Variants in TRIM16 observed in about 807,000 individuals in gnomAD.
TRIM16 encodes tripartite motif-containing protein 16.
TRIM16 carries 33 observed loss-of-function variants against 50.4 expected under a neutral mutation model. The observed-to-expected ratio is 0.65, with a 90% CI of 0.50 to 0.88. TRIM16 has a LOEUF of 0.88. Among genes scored for constraint, TRIM16 ranks in the 40% least tolerant of loss-of-function variants. The pLI is 0.00. For missense variants in TRIM16, 581 were observed against 686.8 expected, an observed-to-expected ratio of 0.85 and a Z score of 1.72; for synonymous variants, 229 against 270.7, an observed-to-expected ratio of 0.85 and a Z score of 1.51.
chr17:15,648,376 A>G (rs188979401), intron 7 of TRIM16, among the ~76,000 whole-genome samples: 351 of 152,230 alleles, frequency 2.3e-3, no homozygotes, highest in African/African-American at 8.1e-3. Context: ...AAGATAATCA[A>G]AGAACACCCA....
At chr17:15,634,314 A>G (rs1428826571) in intron 9 of TRIM16, among the ~76,000 whole-genome samples, 1 of 141,880 alleles carries the variant, frequency 7.0e-6, no homozygotes, top group Non-Finnish European at 1.5e-5. Flanking sequence ...GGGCGAAAAG[A>G]GCAAGACTCC....
At chr17:15,667,205 A>G (rs1226076107) in intron 6 of TRIM16, among the ~76,000 whole-genome samples, 2 of 151,976 alleles carry the variant, frequency 1.3e-5, no homozygotes, top group Non-Finnish European at 2.9e-5. Flanking sequence ...ATTCTTTGCT[A>G]TTTTCACCAT....
In TRIM16 at chr17:15,651,691, C is replaced by A; in HGVS notation, c.-82G>T. ...CAGCCCAAGTCAGACAAGAGAACCA[C>A]GCCTAGATGATTGCAGCTGCTGCAA... On this transcript the variant is annotated 5_prime_UTR_variant, in exon 7 of 12. Coordinates refer to ENST00000649191, the MANE Select transcript of TRIM16 (RefSeq NM_001348119.1). The A allele has an allele frequency of 3.2e-6, 5 of 1,553,746 alleles. No individual in the cohort carries two copies. In the South Asian group the frequency reaches 5.8e-5, roughly 18 times the overall value.
intron 3 of TRIM16, among the ~76,000 whole-genome samples, chr17:15,682,093 T>C (rs2530093): frequency 6.6e-6 from 1 of 151,822 alleles, no homozygotes; most frequent in East Asian, 1.9e-4. Context: ...CTACAATGTG[T>C]GTTAATGCAC....
At position 15,628,805 on chromosome 17, in the gene TRIM16, G is replaced by A. The variant is rs763177758; in HGVS notation, c.1505C>T (p.Pro502Leu). 218 of 1,614,026 alleles carry A rather than the reference G, an allele frequency of 1.4e-4. No individual in the cohort carries two copies. Among genetic ancestry groups the A allele is most frequent in the Non-Finnish European group, 1.8e-4 (210 of 1,180,018 alleles). The change falls in exon 12 of 12, where the codon CCG (proline) becomes CTG (leucine). Residue 502 changes from proline to leucine, a missense_variant. By Grantham distance (98) the Pro-to-Leu change is moderately conservative (BLOSUM62 -3). This residue lies in a region of TRIM16 where 115 missense variants were observed against 106.7 expected (regional missense o/e 1.08). Transcript: ENST00000649191. ...GCCATAGAAGGAAAGGATCCCTCCC[G>A]GGAAGTCGATATAGACCCCGAGCCT... ...FRRLGVYIDF[P>L]GGILSFYGVE...
At chr17:15,660,750 T>A (rs1297291851) in intron 6 of TRIM16, among the ~76,000 whole-genome samples, 2 of 151,474 alleles carry the variant, frequency 1.3e-5, no homozygotes, top group Non-Finnish European at 2.9e-5. Flanking sequence ...TACAAAAAAT[T>A]AGCCGGGCGT....
intron 6 of TRIM16, chr17:15,654,409 T>G (rs772862796): frequency 2.6e-5 from 4 of 152,178 alleles, no homozygotes; most frequent in Non-Finnish European, 5.9e-5. Flanking sequence ...TGCATCCTAT[T>G]CCTAGCTGCC....
At chr17:15,646,686 C>G (rs1987396262) in intron 7 of TRIM16, among the ~76,000 whole-genome samples, 1 of 150,170 alleles carries the variant, frequency 6.7e-6, no homozygotes, top group Non-Finnish European at 1.5e-5. Context: ...ATAGAAAGAA[C>G]AGGGAGAGTG....
chr17:15,668,859 T>G (rs1416389829), intron 6 of TRIM16, among the ~76,000 whole-genome samples: 1 of 152,062 alleles, frequency 6.6e-6, no homozygotes, highest in Non-Finnish European at 1.5e-5. Flanking sequence ...AGCTATGTTA[T>G]CCTTAACTTA....
At chr17:15,633,563 A>G (rs1404929920) in intron 9 of TRIM16, among the ~76,000 whole-genome samples, 9 of 139,962 alleles carry the variant, frequency 6.4e-5, no homozygotes, top group Admixed American at 1.4e-4. Flanking sequence ...TTTTTGAGAC[A>G]TAGTCTTGCT....
intron 6 of TRIM16, among the ~76,000 whole-genome samples, chr17:15,656,177 G>A (rs1217619675): frequency 6.6e-6 from 1 of 152,064 alleles, no homozygotes; most frequent in African/African-American, 2.4e-5. Flanking sequence ...CTAGGCCCAA[G>A]CTCTGATCCT....
intron 7 of TRIM16, among the ~76,000 whole-genome samples, chr17:15,649,180 AAG>A (rs1248624878): frequency 1.5e-5 from 2 of 129,556 alleles, no homozygotes; most frequent in African/African-American, 9.5e-5. Context: ...GCAAGGAAAT[AAG>A]AAAGTGTAGA....
intron 11 of TRIM16, 79 bp downstream of exon 11, chr17:15,631,540 T>C (rs534963000): frequency 5.9e-6 from 8 of 1,352,240 alleles, no homozygotes; most frequent in Non-Finnish European, 8.3e-6. Context: ...GAAACCTAGA[T>C]GAGAGATGGC....
At chr17:15,663,013 A>G (rs1988310663) in intron 6 of TRIM16, among the ~76,000 whole-genome samples, 1 of 152,002 alleles carries the variant, frequency 6.6e-6, no homozygotes, top group African/African-American at 2.4e-5. Context: ...GTGGTGAAGA[A>G]GCTGGGCTGT....
At chr17:15,653,990 G>T (rs1987852505) in intron 6 of TRIM16, among the ~76,000 whole-genome samples, 1 of 152,302 alleles carries the variant, frequency 6.6e-6, no homozygotes, top group South Asian at 2.1e-4. Context: ...GCGAATGGAA[G>T]AGAGAGAGAT....
intron 6 of TRIM16, among the ~76,000 whole-genome samples, chr17:15,660,749 T>C (rs866305969): frequency 9.9e-5 from 15 of 151,418 alleles, no homozygotes; most frequent in Admixed American, 2.0e-4. Context: ...ATACAAAAAA[T>C]TAGCCGGGCG....
intron 8 of TRIM16, among the ~76,000 whole-genome samples, chr17:15,637,235 C>CT (rs1986827876): frequency 1.7e-5 from 2 of 116,740 alleles, no homozygotes; most frequent in African/African-American, 3.1e-5. Context: ...GTCAGCCCCC[C>CT]GCCCGGCCAG....
At chr17:15,652,150 CTTT>C (rs200450452) in intron 6 of TRIM16, 43 of 149,344 alleles carry the variant, frequency 2.9e-4, no homozygotes, top group Non-Finnish European at 4.9e-4. Context: ...CTTTTCTTTT[CTTT>C]TTTTTTTTTT....
chr17:15,679,991 G>A (rs1427398489), intron 4 of TRIM16, among the ~76,000 whole-genome samples: 1 of 151,632 alleles, frequency 6.6e-6, no homozygotes, highest in Non-Finnish European at 1.5e-5. Flanking sequence ...TTATATCTAG[G>A]AAAGAACTTT....
Sources: gnomAD v4.1 joint callset for allele counts (sites outside exome capture counted in the v4.1 genomes callset) on GRCh38, gnomAD v4.1.1 for gene constraint, gnomAD v4.1.1 regional missense constraint, MANE v1.5 for transcripts, NCBI Gene and HGNC (gene_info 2026-07-23, HGNC 2026-07-21) for gene names.